Variants in SUPT3H observed in about 807,000 individuals in gnomAD.
SUPT3H encodes SPT3 homolog, SAGA and STAGA complex component.
Under a neutral mutation model 44.3 loss-of-function variants are expected in SUPT3H, and 44 were observed. That is an observed-to-expected ratio of 0.99 (90% CI 0.78 to 1.28). The LOEUF is 1.28. SUPT3H is among the 50% of genes most tolerant of loss of function. The pLI, the probability that SUPT3H is intolerant of heterozygous loss-of-function variation, is 0.00. For synonymous variants in SUPT3H, 124 were observed against 125.6 expected (o/e 0.99, Z 0.09); for missense variants, 380 against 387.1 (o/e 0.98, Z 0.15).
At chr6:45,204,732 G>T (rs1486702691) in intron 2 of SUPT3H, among the ~76,000 whole-genome samples, 1 of 152,054 alleles carries the variant, frequency 6.6e-6, no homozygotes, top group African/African-American at 2.4e-5. Flanking sequence ...ATCACTCCCA[G>T]GCTACTGACT....
intron 10 of SUPT3H, among the ~76,000 whole-genome samples, chr6:44,929,974 G>T (rs1330530571): frequency 6.6e-6 from 1 of 152,080 alleles, no homozygotes; most frequent in South Asian, 2.1e-4. Flanking sequence ...TAGCCTGGGC[G>T]CTGTGGCTCA....
At chr6:45,331,331 CTGAT>C (rs1414141810) in intron 2 of SUPT3H, among the ~76,000 whole-genome samples, 2 of 152,062 alleles carry the variant, frequency 1.3e-5, no homozygotes, top group African/African-American at 2.4e-5. Flanking sequence ...TATCAGCTGA[CTGAT>C]TATCTACATA....
At chr6:45,170,476 T>C (rs1021148079) in intron 2 of SUPT3H, among the ~76,000 whole-genome samples, 1 of 152,206 alleles carries the variant, frequency 6.6e-6, no homozygotes, top group Admixed American at 6.5e-5. Flanking sequence ...GTTCATTGAC[T>C]GTTGAATACA....
rs367735113 is a variant in SUPT3H at position 45,218,203 on chromosome 6, T to C, written c.102-112197A>G. On this transcript the variant is annotated intron_variant, in intron 2 of 10. Coordinates refer to ENST00000371459, the MANE Select transcript of SUPT3H (RefSeq NM_003599.4). ...TATTAATAGAAAGCAGAAGGAGCTGTATTAATATCAGATAAGGTGAATTTC... is the reference window on the plus strand; with the variant it reads ...TATTAATAGAAAGCAGAAGGAGCTGCATTAATATCAGATAAGGTGAATTTC... Among the ~76,000 whole-genome samples the C allele has an allele frequency of 7.9e-5, 12 of 152,132 alleles. No individual in the cohort carries two copies. In the East Asian group the frequency reaches 2.1e-3, roughly 27 times the overall value.
At chr6:45,131,496 T>C (rs1803458098) in intron 2 of SUPT3H, among the ~76,000 whole-genome samples, 2 of 152,146 alleles carry the variant, frequency 1.3e-5, no homozygotes, top group African/African-American at 4.8e-5. Context: ...CAAGCCTATA[T>C]GTAACCACTG....
At position 45,328,897 on chromosome 6, in the gene SUPT3H, T is replaced by C. The variant is rs1786903295; in HGVS notation, c.101+36304A>G. On this transcript the variant is annotated intron_variant, in intron 2 of 10. Transcript: ENST00000371459. The stretch of plus-strand genomic sequence containing the variant: ...AATAGCATATTAAAGATCCTAATTA[T>C]GCTATCTTGTTGCATTAAGAATTGA... 1.9e-5 allele frequency: 21 copies of C among 1,107,964 alleles called. No individual in the cohort carries two copies. The South Asian group carries it at 1.9e-4, about 10-fold the overall frequency. 68.6% of individuals were successfully genotyped at this position (1,107,964 alleles called of 1,614,324 possible). A position where few individuals can be genotyped will look rare whatever the true frequency, so the allele number is the denominator to read the frequency against.
At chr6:45,322,793 C>T (rs1785714907) in intron 2 of SUPT3H, 4 of 948,990 alleles carry the variant, frequency 4.2e-6, no homozygotes, top group South Asian at 1.3e-5. Flanking sequence ...TGTGTGGTCT[C>T]GCCCATATAT....
At chr6:45,212,785 G>A (rs1186875283) in intron 2 of SUPT3H, among the ~76,000 whole-genome samples, 2 of 151,950 alleles carry the variant, frequency 1.3e-5, no homozygotes, top group African/African-American at 4.8e-5. Flanking sequence ...TGTCTTTTAG[G>A]ATCTACTCTT....
At chr6:45,110,785 T>C (rs1478826128) in intron 2 of SUPT3H, among the ~76,000 whole-genome samples, 2 of 152,156 alleles carry the variant, frequency 1.3e-5, no homozygotes, top group South Asian at 2.1e-4. Flanking sequence ...TATTTGATGA[T>C]GTATCAATTG....
At chr6:44,850,978 T>C (rs1772787886) in intron 10 of SUPT3H, among the ~76,000 whole-genome samples, 1 of 152,194 alleles carries the variant, frequency 6.6e-6, no homozygotes, top group Non-Finnish European at 1.5e-5. Flanking sequence ...GACCAAGTTC[T>C]CTCTTTTTTG....
intron 2 of SUPT3H, among the ~76,000 whole-genome samples, chr6:45,127,409 A>T (rs1802608587): frequency 6.6e-6 from 1 of 152,196 alleles, no homozygotes; most frequent in South Asian, 2.1e-4. Context: ...GGCACCTGAC[A>T]TCATTAAATC....
chr6:45,008,309 G>T (rs1052712101), intron 5 of SUPT3H, among the ~76,000 whole-genome samples: 3 of 152,056 alleles, frequency 2.0e-5, no homozygotes, highest in South Asian at 2.1e-4. Flanking sequence ...ACTTAAGAAG[G>T]TTCTAGCTCT....
At chr6:45,197,657 T>G (rs575350670) in intron 2 of SUPT3H, 1 of 349,558 alleles carries the variant, frequency 2.9e-6, no homozygotes, top group Admixed American at 4.5e-5. Flanking sequence ...ACAATACTAT[T>G]TTTTCATTTA....
chr6:44,907,668 ACT>A (rs774734575), intron 10 of SUPT3H, among the ~76,000 whole-genome samples: 11 of 152,026 alleles, frequency 7.2e-5, no homozygotes, highest in Non-Finnish European at 1.0e-4. Context: ...ACACAGTGAG[ACT>A]CTGTCTCAAA....
intron 4 of SUPT3H, among the ~76,000 whole-genome samples, chr6:45,019,444 G>T (rs1012862074): frequency 6.6e-6 from 1 of 151,914 alleles, no homozygotes; most frequent in Non-Finnish European, 1.5e-5. Context: ...TGATGTTAGG[G>T]TGTCAATTTT....
intron 2 of SUPT3H, among the ~76,000 whole-genome samples, chr6:45,142,603 G>C (rs1805395581): frequency 6.6e-6 from 1 of 151,698 alleles, no homozygotes; most frequent in Non-Finnish European, 1.5e-5. Context: ...GGGTGTGGTG[G>C]TGCATGCCTG....
At chr6:45,331,128 C>T (rs2021272) in intron 2 of SUPT3H, among the ~76,000 whole-genome samples, 38,882 of 126,032 alleles carry the variant, frequency 0.31, 7,574 homozygotes, top group African/African-American at 0.63. Flanking sequence ...TGTGTGTGTG[C>T]GCGCGCGCGC....
At chr6:45,239,527 A>C (rs1769882279) in intron 2 of SUPT3H, among the ~76,000 whole-genome samples, 1 of 152,188 alleles carries the variant, frequency 6.6e-6, no homozygotes, top group South Asian at 2.1e-4. Flanking sequence ...ACTGGAATCT[A>C]ATTCTCTTTG....
At chr6:45,132,571 T>G (rs1432858288) in intron 2 of SUPT3H, among the ~76,000 whole-genome samples, 1 of 152,206 alleles carries the variant, frequency 6.6e-6, no homozygotes, top group Non-Finnish European at 1.5e-5. Context: ...TGTTATATTT[T>G]GATTGCAATT....
Sources: allele counts gnomAD v4.1 joint callset (sites outside exome capture counted in the v4.1 genomes callset), GRCh38; gene constraint gnomAD v4.1.1; transcripts MANE v1.5; gene names NCBI Gene and HGNC (gene_info 2026-07-23, HGNC 2026-07-21).